The following NPHP1 variants were observed in gnomAD, a reference collection of about 807,000 sequenced individuals.
NPHP1 encodes nephrocystin 1.
A neutral mutation model predicts 90.4 loss-of-function variants in NPHP1; 70 were observed. The ratio of observed to expected loss-of-function variants is 0.77; its 90% CI spans 0.64 to 0.95. The LOEUF is 0.95. Among genes scored for constraint, NPHP1 ranks in the 40% least tolerant of loss-of-function variants. The pLI, the probability that NPHP1 is intolerant of heterozygous loss-of-function variation, is 0.00. For missense variants in NPHP1, 764 were observed against 795.9 expected (o/e 0.96, Z 0.48); for synonymous variants, 256 against 271.7 (o/e 0.94, Z 0.57).
At chr2:110,174,708 C>T (rs1683390516) in intron 4 of NPHP1, among the ~76,000 whole-genome samples, 1 of 152,016 alleles carries the variant, frequency 6.6e-6, no homozygotes, top group South Asian at 2.1e-4. Flanking sequence ...CGTACACATT[C>T]CCAACTGAAG....
chr2:110,141,614 T>C (rs982749732), intron 16 of NPHP1, among the ~76,000 whole-genome samples: 2 of 152,056 alleles, frequency 1.3e-5, no homozygotes, highest in Non-Finnish European at 2.9e-5. Flanking sequence ...CTGTCAAGAA[T>C]ATAGAGTAAC....
chr2:110,178,345 AT>A, intron 4 of NPHP1, 77 bp downstream of exon 4: 1 of 1,362,334 alleles, frequency 7.3e-7, no homozygotes, highest in Non-Finnish European at 1.0e-6. Context: ...ATACTGCTAT[AT>A]GTCTTTGAGT....
At chr2:110,189,831 G>T (rs1053743426) in intron 2 of NPHP1, among the ~76,000 whole-genome samples, 1 of 152,110 alleles carries the variant, frequency 6.6e-6, no homozygotes, top group Non-Finnish European at 1.5e-5. Flanking sequence ...CACCAGAGTA[G>T]TTAGATATAG....
At chr2:110,202,571 A>T (rs1324942712) in intron 1 of NPHP1, 1 of 323,822 alleles carries the variant, frequency 3.1e-6, no homozygotes. Flanking sequence ...ATATTTCTCC[A>T]GGGAGAATAA....
At chr2:110,193,951 G>A (rs1049140437) in intron 2 of NPHP1, among the ~76,000 whole-genome samples, 2 of 152,066 alleles carry the variant, frequency 1.3e-5, no homozygotes, top group Non-Finnish European at 2.9e-5. Flanking sequence ...GATGTTCTTT[G>A]AAACCAACGA....
intron 9 of NPHP1, 107 bp from the exon 10 acceptor site, chr2:110,161,804 C>T (rs538483063): frequency 3.7e-5 from 27 of 738,350 alleles, no homozygotes; most frequent in Non-Finnish European, 5.8e-5. Flanking sequence ...CAAAATGCCA[C>T]GCTGCTTACT....
intron 16 of NPHP1, among the ~76,000 whole-genome samples, chr2:110,136,812 A>G (rs1388877040): frequency 6.6e-6 from 1 of 152,138 alleles, no homozygotes; most frequent in Non-Finnish European, 1.5e-5. Context: ...TCACAGAATT[A>G]GAAAAAACTA....
chr2:110,139,494 G>A (rs957452954), intron 16 of NPHP1, among the ~76,000 whole-genome samples: 1 of 152,176 alleles, frequency 6.6e-6, no homozygotes, highest in African/African-American at 2.4e-5. Context: ...CAAGCCCCGT[G>A]AGCAGGACTC....
In NPHP1 at chr2:110,143,534, G is replaced by A. The variant is rs771905155; in HGVS notation, c.1529+8C>T. 8 of 1,595,814 alleles carry A rather than the reference G, an allele frequency of 5.0e-6. No homozygotes were observed. Among genetic ancestry groups the A allele is most frequent in the Non-Finnish European group, 6.0e-6 (7 of 1,163,322 alleles). On this transcript the variant is annotated splice_region_variant and intron_variant, in intron 16 of 19. Transcript: ENST00000445609. Reference sequence around the variant, plus strand: ...AAATTCACTGGACAGGTAAAAGCAGGTACCCACCTTAGTACATTTCTTGAT... The same window carrying A: ...AAATTCACTGGACAGGTAAAAGCAGATACCCACCTTAGTACATTTCTTGAT...
rs772635855 is a variant in NPHP1, at chr2:110,164,726, C to T, written c.733G>A (p.Asp245Asn). 6.2e-7 allele frequency: 1 copy of T among 1,613,782 alleles called. No individual in the cohort carries two copies. The highest frequency in any genetic ancestry group is 1.7e-5 in the Admixed American group (1 of 60,014). Residue 245 changes from aspartate to asparagine, a missense_variant, in exon 8 of 20, where the codon GAT becomes AAT. Coordinates refer to ENST00000445609, the MANE Select transcript of NPHP1 (RefSeq NM_001128178.3). Reference sequence around the variant, plus strand: ...TTCTGAACAGCACTCCAGTGGGGATCAGTTCTGGGGAGACAAAATAGCAAA... The same window carrying T: ...TTCTGAACAGCACTCCAGTGGGGATTAGTTCTGGGGAGACAAAATAGCAAA... ...ADGAEVKQRTDPHWSAVQKAI... is the reference protein window; with the variant it reads ...ADGAEVKQRTNPHWSAVQKAI...
At chr2:110,130,957 G>A (rs980006811) in intron 17 of NPHP1, among the ~76,000 whole-genome samples, 2 of 152,236 alleles carry the variant, frequency 1.3e-5, no homozygotes, top group South Asian at 2.1e-4. Context: ...GGCCTGGGAC[G>A]CCTATGCCTG....
chr2:110,195,796 CA>C, intron 2 of NPHP1, among the ~76,000 whole-genome samples: 1 of 152,074 alleles, frequency 6.6e-6, no homozygotes, highest in East Asian at 1.9e-4. Context: ...GTACTGGTAC[CA>C]AAACAGAGAT....
At chr2:110,138,871 T>C (rs1680417313) in intron 16 of NPHP1, among the ~76,000 whole-genome samples, 2 of 152,106 alleles carry the variant, frequency 1.3e-5, no homozygotes, top group Non-Finnish European at 2.9e-5. Flanking sequence ...GTGTGGGCAC[T>C]CCTTTCCTTC....
At chr2:110,162,221 T>C (rs1682396859) in intron 9 of NPHP1, among the ~76,000 whole-genome samples, 1 of 152,122 alleles carries the variant, frequency 6.6e-6, no homozygotes, top group Non-Finnish European at 1.5e-5. Flanking sequence ...CTGCCCTCCA[T>C]AGTTTACAGT....
At chr2:110,150,926 G>A (rs1666674037) in intron 11 of NPHP1, among the ~76,000 whole-genome samples, 1 of 151,014 alleles carries the variant, frequency 6.6e-6, no homozygotes, top group Non-Finnish European at 1.5e-5. Flanking sequence ...AGCACTTTGG[G>A]AGGTTGAGGC....
intron 2 of NPHP1, among the ~76,000 whole-genome samples, chr2:110,192,842 C>T (rs1036892098): frequency 2.6e-5 from 4 of 152,084 alleles, no homozygotes; most frequent in African/African-American, 9.7e-5. Flanking sequence ...AAGAGAATGG[C>T]GGCCAATATT....
At chr2:110,156,851 A>G (rs1461786429) in intron 11 of NPHP1, among the ~76,000 whole-genome samples, 1 of 149,436 alleles carries the variant, frequency 6.7e-6, no homozygotes, top group Non-Finnish European at 1.5e-5. Context: ...ATCTTGGCTC[A>G]CTGCAACCTC....
At chr2:110,161,864 A>C (rs945669975) in intron 9 of NPHP1, among the ~76,000 whole-genome samples, 167 bp from the exon 10 acceptor site, 1 of 152,174 alleles carries the variant, frequency 6.6e-6, no homozygotes, top group Non-Finnish European at 1.5e-5. Context: ...TATGGATAAA[A>C]ACAGCAGTAC....
intron 16 of NPHP1, among the ~76,000 whole-genome samples, chr2:110,137,868 A>G (rs904194237): frequency 2.6e-5 from 4 of 151,156 alleles, no homozygotes; most frequent in Admixed American, 1.3e-4. Flanking sequence ...ATAAAGACAC[A>G]TGCACACGTA....
Sources: allele counts gnomAD v4.1 joint callset (sites outside exome capture counted in the v4.1 genomes callset), GRCh38; gene constraint gnomAD v4.1.1; transcripts MANE v1.5; gene names NCBI Gene and HGNC (gene_info 2026-07-23, HGNC 2026-07-21).